Variants in FAT4 observed in about 807,000 individuals in gnomAD.
FAT4 encodes protocadherin Fat 4.
FAT4 carries 84 observed loss-of-function variants against 303.9 expected under a neutral mutation model. That is an observed-to-expected ratio of 0.28 (90% CI 0.23 to 0.33). The LOEUF is 0.33. Ranked by LOEUF, FAT4 falls within the 10% of genes least tolerant of loss-of-function variation. FAT4 has a pLI of 1.00. For synonymous variants in FAT4, 2,307 were observed against 2,298.8 expected (o/e 1.00, Z -0.10); for missense variants, 6,005 against 6,146.8 (o/e 0.98, Z 0.77).
chr4:125,334,397 CCTGGAT>C (rs1335286892), intron 2 of FAT4, among the ~76,000 whole-genome samples: 1 of 152,092 alleles, frequency 6.6e-6, no homozygotes, highest in African/African-American at 2.4e-5. Context: ...TTGCAAAGAT[CCTGGAT>C]CCACCAACAG....
In FAT4 at chr4:125,415,097, A is replaced by G; in HGVS notation, c.6134A>G (p.Asn2045Ser). 6.2e-7 allele frequency: 1 copy of G among 1,614,022 alleles called. No individual in the cohort carries two copies. Among genetic ancestry groups the G allele is most frequent in the Non-Finnish European group, 8.5e-7 (1 of 1,179,920 alleles). The change falls in exon 6 of 18, where the codon AAT (asparagine) becomes AGT (serine). Residue 2045 changes from asparagine (N) to serine (S), a missense_variant. Physicochemically the swap from Asn to Ser is conservative, Grantham distance 46. Coordinates refer to ENST00000394329, the MANE Select transcript of FAT4 (RefSeq NM_001291303.3). ...GTCTCCATTATTTTGTTGGATGTAAATGATAACCCACCGACATTTCTTTCC... is the reference window on the plus strand; with the variant it reads ...GTCTCCATTATTTTGTTGGATGTAAGTGATAACCCACCGACATTTCTTTCC... ...AQVSIILLDVNDNPPTFLSPK... is the reference protein window; with the variant it reads ...AQVSIILLDVSDNPPTFLSPK...
chr4:125,381,025 T>C (rs1213806978), intron 2 of FAT4, among the ~76,000 whole-genome samples: 1 of 152,188 alleles, frequency 6.6e-6, no homozygotes, highest in African/African-American at 2.4e-5. Flanking sequence ...AACATTCCAA[T>C]TTCAATAAAA....
At chr4:125,437,320 AG>A (rs1725494574) in intron 8 of FAT4, among the ~76,000 whole-genome samples, 1 of 152,180 alleles carries the variant, frequency 6.6e-6, no homozygotes, top group Non-Finnish European at 1.5e-5. Flanking sequence ...CAAGGAGACT[AG>A]GAGTTAAGGT....
chr4:125,328,576 G>A (rs1313404757), intron 2 of FAT4, among the ~76,000 whole-genome samples: 2 of 152,152 alleles, frequency 1.3e-5, no homozygotes, highest in Admixed American at 6.5e-5. Context: ...GGAGCAAGTG[G>A]CATTTTTGAT....
intron 3 of FAT4, among the ~76,000 whole-genome samples, chr4:125,400,976 A>C (rs904573609): frequency 2.0e-5 from 3 of 152,028 alleles, no homozygotes; most frequent in African/African-American, 7.2e-5. Context: ...AAGGCATAAA[A>C]ATCACCACAT....
Position 125,316,948 on chromosome 4 carries a change from C to A in FAT4, c.537C>A (p.Gly179=). The part of the protein sequence containing the change: ...VDHRSYRIIR[G]NEAGRFRLDI... ...ACCGCTCCTACCGCATCATCCGCGG[C>A]AATGAGGCGGGGCGCTTCCGTCTGG... The change falls in exon 2 of 18, where the codon GGC becomes GGA. Residue 179 remains glycine, a synonymous_variant. Coordinates refer to ENST00000394329, the MANE Select transcript of FAT4 (RefSeq NM_001291303.3). The surrounding 1 kb of genome is among the most constrained non-coding windows in gnomAD (Gnocchi z 5.7). The A allele has an allele frequency of 6.2e-7, 1 of 1,613,986 alleles. No individual in the cohort carries two copies. Among genetic ancestry groups the A allele is most frequent in the Non-Finnish European group, 8.5e-7 (1 of 1,180,034 alleles).
rs1293931073 is a variant in FAT4, at chr4:125,335,314, GA to G, written c.5175+13736del. Among the ~76,000 whole-genome samples the G allele has an allele frequency of 1.8e-4, 27 of 151,788 alleles. 1 individual carries two copies. The South Asian group carries it at 5.0e-3, about 28-fold the overall frequency. On this transcript the variant is annotated intron_variant, in intron 2 of 17. Transcript: ENST00000394329. ...ATACTAATAGAATCCATTTTTGTTGGAAAAAAAATGTTGGTGGTAGATGTTG... is the reference window on the plus strand; with the variant it reads ...ATACTAATAGAATCCATTTTTGTTGGAAAAAAATGTTGGTGGTAGATGTTG...
chr4:125,413,828 G>A (rs1734937730), intron 5 of FAT4, among the ~76,000 whole-genome samples: 1 of 151,942 alleles, frequency 6.6e-6, no homozygotes. Context: ...ACTTCTCATA[G>A]GTAGAATTCA....
At chr4:125,455,578 G>A (rs1726250806) in intron 10 of FAT4, among the ~76,000 whole-genome samples, 1 of 152,106 alleles carries the variant, frequency 6.6e-6, no homozygotes. Flanking sequence ...AAGTCTTCGA[G>A]TCATTAAAAG....
Position 125,446,394 on chromosome 4 carries a change from C to G in FAT4, c.7301C>G (p.Thr2434Ser). 1 of 1,613,450 alleles carries G rather than the reference C, an allele frequency of 6.2e-7. No homozygotes were observed. The change falls in exon 9 of 18, where the codon ACT becomes AGT. Residue 2434 changes from threonine to serine, a missense_variant. Thr to Ser is a moderately conservative substitution (Grantham distance 58). Coordinates refer to ENST00000394329, the MANE Select transcript of FAT4 (RefSeq NM_001291303.3). ...LLDRETKDNYTLVVVCSDAGS... is the reference protein window; with the variant it reads ...LLDRETKDNYSLVVVCSDAGS... ...GATAGGGAAACAAAAGATAATTATA[C>G]TTTGGTAGTGGTCTGCAGTGATGCG...
chr4:125,405,422 A>G (rs554192101), intron 3 of FAT4, among the ~76,000 whole-genome samples: 233 of 152,096 alleles, frequency 1.5e-3, no homozygotes, highest in African/African-American at 5.5e-3. Flanking sequence ...TATGATAGCC[A>G]TGCCAACAGG....
intron 2 of FAT4, among the ~76,000 whole-genome samples, chr4:125,374,416 T>C (rs1012851939): frequency 3.9e-5 from 6 of 152,198 alleles, no homozygotes; most frequent in Non-Finnish European, 2.9e-5. Context: ...AAGAGATTAT[T>C]ATATTCTTTG....
At chr4:125,412,623 C>T (rs1454259501) in intron 5 of FAT4, among the ~76,000 whole-genome samples, 2 of 151,714 alleles carry the variant, frequency 1.3e-5, no homozygotes, top group African/African-American at 4.8e-5. Flanking sequence ...ATTTTGGGAT[C>T]GTGTTCTCTT....
intron 16 of FAT4, among the ~76,000 whole-genome samples, chr4:125,484,633 A>G (rs1023919163): frequency 2.0e-5 from 3 of 152,100 alleles, no homozygotes; most frequent in Non-Finnish European, 4.4e-5. Context: ...TTCTTGTGCA[A>G]ACATCATAGA....
intron 3 of FAT4, among the ~76,000 whole-genome samples, chr4:125,404,744 T>C (rs1203448823): frequency 6.6e-6 from 1 of 152,078 alleles, no homozygotes; most frequent in African/African-American, 2.4e-5. Flanking sequence ...CTACTGTCTG[T>C]CCTGGAAAAC....
Position 125,450,444 on chromosome 4 carries a change from C to T in FAT4, c.9434C>T (p.Thr3145Ile), listed in dbSNP as rs753917617. 6 of 1,613,946 alleles carry T rather than the reference C, an allele frequency of 3.7e-6. No homozygotes were observed. The South Asian group carries it at 6.6e-5, about 18-fold the overall frequency. Residue 3145 changes from threonine (T) to isoleucine (I), a missense_variant, in exon 10 of 18, where the codon ACA becomes ATA. Thr to Ile is a moderately conservative substitution (Grantham distance 89). Transcript: ENST00000394329. The part of the protein sequence containing the change: ...EEGIFAINSS[T>I]GILTLAKALD... ...GGCATTTTTGCAATCAATTCTTCTA[C>T]AGGTATATTAACACTAGCCAAAGCT...
chr4:125,321,423 G>A lies in FAT4; in HGVS notation c.5012G>A (p.Arg1671His), dbSNP rs375605783. The A allele has an allele frequency of 3.7e-5, 60 of 1,613,960 alleles. No homozygotes were observed. The highest frequency in any genetic ancestry group is 1.6e-4 in the Middle Eastern group (1 of 6,080). The change falls in exon 2 of 18, where the codon CGT (arginine) becomes CAT (histidine). Residue 1671 changes from arginine to histidine, a missense_variant. Arg to His is a conservative substitution (Grantham distance 29). Coordinates refer to ENST00000394329, the MANE Select transcript of FAT4 (RefSeq NM_001291303.3). Reference protein sequence around the residue: ...APVEYYIVSVRCEEKTVGRLF... With the variant: ...APVEYYIVSVHCEEKTVGRLF... ...GTGGAGTATTATATTGTTTCAGTTC[G>A]TTGTGAAGAAAAAACTGTTGGACGC...
chr4:125,325,864 T>C (rs1441291640), intron 2 of FAT4, among the ~76,000 whole-genome samples: 1 of 152,212 alleles, frequency 6.6e-6, no homozygotes, highest in African/African-American at 2.4e-5. Context: ...GTACCACCAG[T>C]TTTACCCACC....
At chr4:125,349,062 G>T (rs973427555) in intron 2 of FAT4, among the ~76,000 whole-genome samples, 1 of 151,564 alleles carries the variant, frequency 6.6e-6, no homozygotes, top group Non-Finnish European at 1.5e-5. Context: ...TTCTGAAAAA[G>T]GATTAAATTA....
Sources: gnomAD v4.1 joint callset for allele counts (sites outside exome capture counted in the v4.1 genomes callset) on GRCh38, gnomAD v4.1.1 for gene constraint, Gnocchi (gnomAD v3.1) non-coding constraint, MANE v1.5 for transcripts, NCBI Gene and HGNC (gene_info 2026-07-23, HGNC 2026-07-21) for gene names.